Variants in SERPINB7 observed in about 807,000 individuals in gnomAD.
SERPINB7 encodes the protein serpin family B member 7.
In SERPINB7, 31 loss-of-function variants were observed where a neutral mutation model predicts 37.4. That is an observed-to-expected ratio of 0.83 (90% confidence interval 0.62 to 1.12). The LOEUF (loss-of-function observed/expected upper bound fraction) is 1.12, where lower values mean the gene tolerates loss of function less well. SERPINB7 is among the 50% of genes most tolerant of loss of function. SERPINB7 has a pLI of 0.00. For missense variants in SERPINB7, 521 were observed against 455.3 expected (o/e 1.14, Z -1.31); for synonymous variants, 163 against 166.1 (o/e 0.98, Z 0.14).
upstream of SERPINB7, among the ~76,000 whole-genome samples, chr18:63,773,593 C>T (rs1414339530): frequency 2.6e-5 from 4 of 152,036 alleles, no homozygotes; most frequent in African/African-American, 9.7e-5. Flanking sequence ...TCCTTAAATC[C>T]CTCTTCAGCC....
intron 5 of SERPINB7, among the ~76,000 whole-genome samples, chr18:63,797,332 T>C (rs966045662): frequency 3.3e-5 from 5 of 152,220 alleles, no homozygotes; most frequent in African/African-American, 1.2e-4. Flanking sequence ...ATTTTCTTTT[T>C]ATTCATTCAT....
chr18:63,786,918 T>C (rs1212866938), intron 2 of SERPINB7, among the ~76,000 whole-genome samples: 1 of 152,200 alleles, frequency 6.6e-6, no homozygotes. Context: ...GAATATCCCT[T>C]ATCTAAAATG....
rs2049515826 is a variant in SERPINB7 at position 63,798,721 on chromosome 18, T to C, written c.572T>C (p.Ile191Thr). 6.2e-7 allele frequency: 1 copy of C among 1,613,004 alleles called. No homozygotes were observed. Residue 191 changes from isoleucine (I) to threonine (T), a missense_variant, in exon 6 of 8, where the codon ATA becomes ACA. Physicochemically the swap from Ile to Thr is moderately conservative, Grantham distance 89. Coordinates refer to ENST00000398019, the MANE Select transcript of SERPINB7 (RefSeq NM_003784.4). ...TCAGCCTTCACCAAGAGCGAAACCA[T>C]AAATTGCCATTTCAAATCTCCCAAG... ...WQSAFTKSETINCHFKSPKCS... is the reference protein window; with the variant it reads ...WQSAFTKSETTNCHFKSPKCS...
intron 1 of SERPINB7, among the ~76,000 whole-genome samples, chr18:63,755,889 G>A (rs2049119069): frequency 6.6e-6 from 1 of 152,096 alleles, no homozygotes. Flanking sequence ...GTGAGACCCT[G>A]TCTCTAAAAC....
At chr18:63,783,232 G>GAGAGAA (rs2049328062) in intron 2 of SERPINB7, among the ~76,000 whole-genome samples, 19 of 40,670 alleles carry the variant, frequency 4.7e-4, no homozygotes, top group South Asian at 1.0e-3. Context: ...GAGAGAGAGA[G>GAGAGAA]AGAAAGAAAG....
chr18:63,779,633 A>AT (rs530112561), intron 1 of SERPINB7, among the ~76,000 whole-genome samples: 3,543 of 149,766 alleles, frequency 0.024, 50 homozygotes, highest in South Asian at 0.05. Context: ...CTCTGTCGTG[A>AT]TTTTTTTTTT....
rs760483607 is a variant in SERPINB7 at position 63,800,940 on chromosome 18, G to T, written c.672G>T (p.Met224Ile). Residue 224 changes from methionine to isoleucine, a missense_variant, in exon 7 of 8, where the codon ATG becomes ATT. Transcript: ENST00000398019. ...TGTCTGTTATTGAGGACCCATCAAT[G>T]AAGATTCTTGAGCTCAGATACAATG... Reference protein sequence around the residue: ...FNLSVIEDPSMKILELRYNGG... With the variant: ...FNLSVIEDPSIKILELRYNGG... 6.2e-7 allele frequency: 1 copy of T among 1,613,962 alleles called. No individual in the cohort carries two copies. Among genetic ancestry groups the T allele is most frequent in the South Asian group, 1.1e-5 (1 of 91,078 alleles).
chr18:63,804,202 T>C, intron 7 of SERPINB7, 35 bp from the exon 8 acceptor site: 1 of 1,439,194 alleles, frequency 6.9e-7, no homozygotes. Flanking sequence ...CACTTGACCA[T>C]ATGATTCTAA....
intron 1 of SERPINB7, among the ~76,000 whole-genome samples, chr18:63,779,324 A>G (rs567181573): frequency 7.2e-5 from 11 of 152,300 alleles, no homozygotes; most frequent in Admixed American, 5.2e-4. Flanking sequence ...TTGGAGGTAT[A>G]AAACAATCAG....
intron 1 of SERPINB7, among the ~76,000 whole-genome samples, chr18:63,781,394 T>C (rs911961553): frequency 6.6e-6 from 1 of 152,240 alleles, no homozygotes; most frequent in African/African-American, 2.4e-5. Context: ...GAGACTTGGA[T>C]GAAGTCCCCT....
chr18:63,784,531 G>A, intron 2 of SERPINB7, among the ~76,000 whole-genome samples: 1 of 152,214 alleles, frequency 6.6e-6, no homozygotes, highest in Non-Finnish European at 1.5e-5. Flanking sequence ...TAAATATAAA[G>A]CCCTTGAAAA....
chr18:63,785,894 A>G (rs1429847012), intron 2 of SERPINB7, among the ~76,000 whole-genome samples: 19 of 137,330 alleles, frequency 1.4e-4, no homozygotes, highest in Admixed American at 2.2e-4. Flanking sequence ...ATATATATAT[A>G]TAATATACGT....
intron 2 of SERPINB7, among the ~76,000 whole-genome samples, chr18:63,783,282 G>GAAAGAA (rs1568208082): frequency 1.4e-5 from 2 of 147,832 alleles, no homozygotes; most frequent in African/African-American, 5.0e-5. Flanking sequence ...AAGAAAGAAA[G>GAAAGAA]AAAGAAAGAA....
rs571334898 is a variant in SERPINB7 at position 63,791,886 on chromosome 18, A to AG, written c.169-505dup. Among the ~76,000 whole-genome samples, 48 of 152,290 alleles carry AG rather than the reference A, an allele frequency of 3.2e-4. No individual in the cohort carries two copies. In the South Asian group the frequency reaches 9.9e-3, roughly 32 times the overall value. On this transcript the variant is annotated intron_variant, in intron 2 of 7. Transcript: ENST00000398019. The stretch of plus-strand genomic sequence containing the variant: ...TGGCCTCCCAAAGTGCTGAGATTAC[A>AG]GGCCTGAGCCACCGCACCCGGCCAG...
At chr18:63,787,914 A>T (rs926326856) in intron 2 of SERPINB7, among the ~76,000 whole-genome samples, 2 of 152,330 alleles carry the variant, frequency 1.3e-5, no homozygotes. Flanking sequence ...TTGTCTAGTG[A>T]TGTTGCAGCC....
intron 2 of SERPINB7, among the ~76,000 whole-genome samples, chr18:63,791,520 T>C (rs766658600): frequency 2.6e-5 from 4 of 152,208 alleles, no homozygotes; most frequent in Non-Finnish European, 5.9e-5. Flanking sequence ...ACCTAATTTG[T>C]ATTGGCCCAA....
At chr18:63,792,541 T>A (rs1283788856) in intron 3 of SERPINB7, 98 bp downstream of exon 3, 4 of 765,228 alleles carry the variant, frequency 5.2e-6, no homozygotes, top group Non-Finnish European at 8.8e-6. Context: ...GGCGGGTGGA[T>A]GACTGGAGCC....
At chr18:63,784,083 G>T (rs146559167) in intron 2 of SERPINB7, among the ~76,000 whole-genome samples, 1 of 152,066 alleles carries the variant, frequency 6.6e-6, no homozygotes, top group African/African-American at 2.4e-5. Context: ...TTCAGGATCT[G>T]GGATAAGCCC....
At chr18:63,768,334 G>C (rs2049192147) in intron 1 of SERPINB7, among the ~76,000 whole-genome samples, 1 of 151,714 alleles carries the variant, frequency 6.6e-6, no homozygotes, top group Non-Finnish European at 1.5e-5. Context: ...TGCTCCAATA[G>C]TGAGAAAATT....
Sources: gnomAD v4.1 joint callset for allele counts (sites outside exome capture counted in the v4.1 genomes callset) on GRCh38, gnomAD v4.1.1 for gene constraint, MANE v1.5 for transcripts, NCBI Gene and HGNC (gene_info 2026-07-23, HGNC 2026-07-21) for gene names.